The following E2F5 variants were observed in gnomAD, a reference collection of about 807,000 sequenced individuals.
The protein encoded by E2F5 is E2F transcription factor 5, also known as transcription factor E2F5.
In E2F5, 23 loss-of-function variants were observed where a neutral mutation model predicts 39.1. That is an observed-to-expected ratio of 0.59 (90% CI 0.42 to 0.83). The LOEUF is 0.83. Ranked by LOEUF, E2F5 falls within the 40% of genes least tolerant of loss-of-function variation. E2F5 has a pLI of 0.00. For missense variants in E2F5, 365 were observed against 406.7 expected, an observed-to-expected ratio of 0.90 and a Z score of 0.88; for synonymous variants, 145 against 157.8, an observed-to-expected ratio of 0.92 and a Z score of 0.61.
intron 1 of E2F5, among the ~76,000 whole-genome samples, chr8:85,192,196 G>A (rs944007780): frequency 6.6e-6 from 1 of 152,148 alleles, no homozygotes; most frequent in African/African-American, 2.4e-5. Context: ...TGCTGGCTTG[G>A]TAAATGGAGT....
chr8:85,181,830 AGG>A (rs1439456124), intron 1 of E2F5, among the ~76,000 whole-genome samples: 1 of 151,630 alleles, frequency 6.6e-6, no homozygotes, highest in African/African-American at 2.4e-5. Flanking sequence ...GGCGTCGTGG[AGG>A]CGCCTGTAAT....
At chr8:85,181,431 C>T (rs1191981145) in intron 1 of E2F5, among the ~76,000 whole-genome samples, 2 of 150,974 alleles carry the variant, frequency 1.3e-5, no homozygotes, top group African/African-American at 2.4e-5. Flanking sequence ...CCTGGGTTCA[C>T]GCCATTCTCC....
In E2F5 at chr8:85,213,887, ATCTACC is replaced by A; in HGVS notation, c.*30_*35del. 2 of 1,320,654 alleles carry A rather than the reference ATCTACC, an allele frequency of 1.5e-6. No homozygotes were observed. Among genetic ancestry groups the A allele is most frequent in the Non-Finnish European group, 1.1e-6 (1 of 914,808 alleles). 81.8% of individuals were successfully genotyped at this position (1,320,654 alleles called of 1,614,324 possible). Reference sequence around the variant, plus strand: ...GATTCCATGGAAACTTGGGACTGTTATCTACCTCTAACTGTGTAACATTTTAGACTT... The same window carrying A: ...GATTCCATGGAAACTTGGGACTGTTATCTAACTGTGTAACATTTTAGACTT... On this transcript the variant is annotated 3_prime_UTR_variant, in exon 8 of 8. Transcript: ENST00000416274.
At chr8:85,211,906 G>A (rs1325313585) in intron 6 of E2F5, among the ~76,000 whole-genome samples, 1 of 151,962 alleles carries the variant, frequency 6.6e-6, no homozygotes, top group Admixed American at 6.6e-5. Flanking sequence ...GCCTCCCAAA[G>A]TGCTAGAATT....
intron 2 of E2F5, 142 bp downstream of exon 2, chr8:85,202,398 C>CCA: frequency 1.6e-6 from 1 of 614,268 alleles, no homozygotes; most frequent in Non-Finnish European, 2.8e-6. Context: ...CCTTTCTGGG[C>CCA]CTCTGTGTCA....
intron 1 of E2F5, among the ~76,000 whole-genome samples, chr8:85,190,342 T>TC (rs566493355): frequency 2.3e-3 from 345 of 152,096 alleles, no homozygotes; most frequent in African/African-American, 8.0e-3. Context: ...GTTTTTTTTT[T>TC]TCCTTCTTTT....
At chr8:85,184,850 A>T (rs1210424144) in intron 1 of E2F5, among the ~76,000 whole-genome samples, 1 of 152,238 alleles carries the variant, frequency 6.6e-6, no homozygotes, top group Non-Finnish European at 1.5e-5. Context: ...CCACTGCTCA[A>T]GGAAATAAGA....
At chr8:85,209,027 TTG>T (rs1416389436) in intron 5 of E2F5, 113 bp from the exon 6 acceptor site, 5 of 1,053,978 alleles carry the variant, frequency 4.7e-6, no homozygotes, top group South Asian at 1.7e-5. Context: ...AATGACTTTA[TTG>T]TGTTATGTGA....
chr8:85,190,990 G>T (rs1012296000), intron 1 of E2F5, among the ~76,000 whole-genome samples: 4 of 152,136 alleles, frequency 2.6e-5, no homozygotes, highest in Non-Finnish European at 4.4e-5. Context: ...GAAAGGCAAA[G>T]AAATCGATTC....
intron 1 of E2F5, 183 bp downstream of exon 1, chr8:85,177,837 G>A (rs1812118959): frequency 1.9e-6 from 2 of 1,054,642 alleles, no homozygotes; most frequent in Non-Finnish European, 2.3e-6. Flanking sequence ...GGGGAGGGAC[G>A]AGGGACCAGG....
chr8:85,188,126 A>G lies in E2F5; in HGVS notation c.234+10472A>G, dbSNP rs529985194. 2.0e-5 allele frequency among the ~76,000 whole-genome samples: 3 copies of G among 152,138 alleles called. No individual in the cohort carries two copies. The South Asian group carries it at 6.2e-4, about 31-fold the overall frequency. ...GATGTCACAAGTTTTATCTTTTTAT[A>G]TCGTCTATTGCTTAAAAATTATTGC... On this transcript the variant is annotated intron_variant, in intron 1 of 7. Transcript: ENST00000416274.
At chr8:85,212,338 T>C in intron 7 of E2F5, 134 bp downstream of exon 7, 1 of 664,056 alleles carries the variant, frequency 1.5e-6, no homozygotes, top group South Asian at 2.0e-5. Context: ...AAATTCTCCC[T>C]TAACACTTAC....
intron 7 of E2F5, 53 bp from the exon 8 acceptor site, chr8:85,213,700 A>G (rs1813010274): frequency 1.1e-6 from 1 of 920,818 alleles, no homozygotes; most frequent in South Asian, 1.4e-5. Context: ...GTTAAAGATC[A>G]TTAACCGTAT....
chr8:85,204,583 C>A (rs1812763100), intron 3 of E2F5, among the ~76,000 whole-genome samples: 1 of 151,552 alleles, frequency 6.6e-6, no homozygotes, highest in South Asian at 2.1e-4. Context: ...ATGAGATATA[C>A]CTAATGCTAA....
intron 6 of E2F5, among the ~76,000 whole-genome samples, chr8:85,211,109 T>A (rs929131350): frequency 6.6e-6 from 1 of 150,408 alleles, no homozygotes; most frequent in Non-Finnish European, 1.5e-5. Flanking sequence ...AAGGGCCAAG[T>A]GTGGTGGGGC....
chr8:85,209,824 C>T (rs1812878978), intron 6 of E2F5, among the ~76,000 whole-genome samples: 1 of 152,112 alleles, frequency 6.6e-6, no homozygotes, highest in South Asian at 2.1e-4. Context: ...GTTCCAACTA[C>T]CTTTAAGAAA....
chr8:85,180,511 CATATATATATATATATATATATATAT>C lies in E2F5; in HGVS notation c.234+2876_234+2901del, dbSNP rs58188216. 1.5e-3 allele frequency among the ~76,000 whole-genome samples: 122 copies of C among 80,862 alleles called. 3 individuals are homozygous for C. Among genetic ancestry groups the C allele is most frequent in the African/African-American group, 4.0e-3 (76 of 19,126 alleles). 53.0% of individuals were successfully genotyped at this position (80,862 alleles called of 152,430 possible). ...TTTAAACGCAGTTAAAGAAACTATA[CATATATATATATATATATATATATAT>C]ATATATATATATATATATGGTTTTT... On this transcript the variant is annotated intron_variant, in intron 1 of 7. Coordinates refer to ENST00000416274, the MANE Select transcript of E2F5 (RefSeq NM_001951.4).
At chr8:85,201,634 C>T (rs578099910) in intron 1 of E2F5, among the ~76,000 whole-genome samples, 34 of 152,156 alleles carry the variant, frequency 2.2e-4, no homozygotes, top group Admixed American at 1.2e-3. Flanking sequence ...CCTCTGTTTT[C>T]GTTATTAATT....
chr8:85,199,466 C>T (rs1175788821), intron 1 of E2F5, among the ~76,000 whole-genome samples: 1 of 152,102 alleles, frequency 6.6e-6, no homozygotes, highest in Non-Finnish European at 1.5e-5. Flanking sequence ...TTTGTTCTGT[C>T]ACATCTATAT....
Sources: gnomAD v4.1 joint callset for allele counts (sites outside exome capture counted in the v4.1 genomes callset) on GRCh38, gnomAD v4.1.1 for gene constraint, MANE v1.5 for transcripts, NCBI Gene and HGNC (gene_info 2026-07-23, HGNC 2026-07-21) for gene names.